TMC1: variants seen among roughly 807,000 people sequenced by gnomAD.
TMC1 encodes transmembrane channel-like protein 1.
In TMC1, 84 loss-of-function variants were observed where a neutral mutation model predicts 105.8. The observed-to-expected ratio is 0.79, with a 90% CI of 0.67 to 0.95. TMC1 has a LOEUF of 0.95. Among genes scored for constraint, TMC1 ranks in the 40% least tolerant of loss-of-function variants. The pLI, the probability that TMC1 is intolerant of heterozygous loss-of-function variation, is 0.00. For missense variants in TMC1, 817 were observed against 914.1 expected (o/e 0.89, Z 1.37); for synonymous variants, 315 against 311.5 (o/e 1.01, Z -0.12).
chr9:72,822,514 T>TTGTG (rs368968408), intron 20 of TMC1, among the ~76,000 whole-genome samples: 10,939 of 135,772 alleles, frequency 0.081, 461 homozygotes, highest in Admixed American at 0.1. Flanking sequence ...GTTAATTCCG[T>TTGTG]TGTGTGTGTG....
At chr9:72,757,282 A>C (rs1827689342) in intron 12 of TMC1, among the ~76,000 whole-genome samples, 1 of 152,202 alleles carries the variant, frequency 6.6e-6, no homozygotes, top group Admixed American at 6.5e-5. Context: ...ATTGGTAAGT[A>C]AGGTCCCTCA....
At chr9:72,804,060 G>A (rs960373003) in intron 17 of TMC1, among the ~76,000 whole-genome samples, 2 of 152,280 alleles carry the variant, frequency 1.3e-5, no homozygotes, top group African/African-American at 4.8e-5. Flanking sequence ...CAATAAAAAG[G>A]AATGAGATCA....
chr9:72,546,450 G>A (rs1481968123), intron 1 of TMC1, among the ~76,000 whole-genome samples: 1 of 152,176 alleles, frequency 6.6e-6, no homozygotes, highest in Non-Finnish European at 1.5e-5. Flanking sequence ...TGAAGTGATT[G>A]AGGGATTCAA....
At chr9:72,686,986 G>A (rs932970092) in intron 5 of TMC1, among the ~76,000 whole-genome samples, 1 of 152,110 alleles carries the variant, frequency 6.6e-6, no homozygotes, top group Non-Finnish European at 1.5e-5. Context: ...CTCTCCCGTG[G>A]TTATTAGAGG....
intron 20 of TMC1, among the ~76,000 whole-genome samples, chr9:72,822,013 G>A (rs1256324714): frequency 2.6e-5 from 4 of 152,062 alleles, no homozygotes; most frequent in Non-Finnish European, 5.9e-5. Context: ...GAGTCACAAC[G>A]GCTCCTTGAT....
intron 8 of TMC1, among the ~76,000 whole-genome samples, chr9:72,707,424 AT>A (rs1171255250): frequency 6.6e-6 from 1 of 151,998 alleles, no homozygotes; most frequent in African/African-American, 2.4e-5. Context: ...AACATCTATT[AT>A]TTTTTGATGT....
intron 8 of TMC1, among the ~76,000 whole-genome samples, chr9:72,723,940 A>G (rs1827073802): frequency 6.6e-6 from 1 of 152,172 alleles, no homozygotes; most frequent in Non-Finnish European, 1.5e-5. Flanking sequence ...AAAGTTGTGG[A>G]GGCATTTATT....
intron 2 of TMC1, among the ~76,000 whole-genome samples, chr9:72,610,935 G>C (rs1017520862): frequency 6.6e-6 from 1 of 152,188 alleles, no homozygotes; most frequent in African/African-American, 2.4e-5. Context: ...CATCCAGAGT[G>C]GTGGTATCGA....
At chr9:72,687,401 T>C (rs1003500235) in intron 5 of TMC1, among the ~76,000 whole-genome samples, 3 of 152,200 alleles carry the variant, frequency 2.0e-5, no homozygotes, top group South Asian at 2.1e-4. Context: ...CCATGACCTA[T>C]TGTAGAATGT....
chr9:72,751,424 G>T (rs1256966267), intron 10 of TMC1, among the ~76,000 whole-genome samples: 1 of 152,220 alleles, frequency 6.6e-6, no homozygotes, highest in African/African-American at 2.4e-5. Flanking sequence ...AAAAGGAAGA[G>T]AAAATAGCAG....
Position 72,826,992 on chromosome 9 carries a change from G to A in TMC1, c.2127G>A (p.Met709Ile), listed in dbSNP as rs776617166. The A allele has an allele frequency of 6.2e-7, 1 of 1,613,954 alleles. No individual in the cohort carries two copies. Among genetic ancestry groups the A allele is most frequent in the Non-Finnish European group, 8.5e-7 (1 of 1,179,888 alleles). Residue 709 changes from methionine to isoleucine, a missense_variant and splice_region_variant, in exon 21 of 24, where the codon ATG (methionine) becomes ATA (isoleucine). By Grantham distance (10) the Met-to-Ile change is conservative. Coordinates refer to ENST00000297784, the MANE Select transcript of TMC1 (RefSeq NM_138691.3). ...PGLVIAVILV[M>I]VLAIYYLNAT... is the part of the protein sequence containing the mutation. ...TGGTCATTGCTGTCATTTTGGTGAT[G>A]GTGTATGTGCTTTTCCTCCTCATAG... is the stretch of plus-strand genomic sequence containing the variant.
At chr9:72,601,219 C>T (rs965310634) in intron 2 of TMC1, among the ~76,000 whole-genome samples, 2 of 150,814 alleles carry the variant, frequency 1.3e-5, no homozygotes, top group Admixed American at 1.3e-4. Flanking sequence ...CACACACACA[C>T]AAATTGCCAG....
At chr9:72,755,400 A>G (rs917230530) in intron 12 of TMC1, among the ~76,000 whole-genome samples, 4 of 152,324 alleles carry the variant, frequency 2.6e-5, no homozygotes, top group African/African-American at 9.6e-5. Flanking sequence ...GTATTACTCA[A>G]TAGTTAGTAC....
At chr9:72,537,879 A>T (rs1251270409) in intron 1 of TMC1, among the ~76,000 whole-genome samples, 2 of 152,148 alleles carry the variant, frequency 1.3e-5, no homozygotes, top group African/African-American at 2.4e-5. Flanking sequence ...TTGGCTGGGC[A>T]CTGTGGCTCA....
rs117832033 is a variant in TMC1 at position 72,535,528 on chromosome 9, T to C, written c.-428+13615T>C. Among the ~76,000 whole-genome samples the C allele has an allele frequency of 3.4e-4, 52 of 152,318 alleles. No individual in the cohort carries two copies. The East Asian group carries it at 9.5e-3, about 28-fold the overall frequency. On this transcript the variant is annotated intron_variant, in intron 1 of 23. Transcript: ENST00000297784. ...TGCCTCACTTCCTCCTCAAGAACTT[T>C]CAGTGGCTCCATTTTACCTCTGAGA... is the stretch of plus-strand genomic sequence containing the variant.
chr9:72,636,981 A>G (rs376511915), intron 4 of TMC1, among the ~76,000 whole-genome samples: 37 of 152,210 alleles, frequency 2.4e-4, no homozygotes, highest in Non-Finnish European at 4.4e-4. Flanking sequence ...TATTCAGTCC[A>G]AAGTGTTAAT....
At chr9:72,570,152 T>C (rs985598551) in intron 1 of TMC1, among the ~76,000 whole-genome samples, 9 of 152,002 alleles carry the variant, frequency 5.9e-5, no homozygotes, top group African/African-American at 2.2e-4. Context: ...TAGTTAGTTA[T>C]TGGCTTCTGA....
At chr9:72,747,229 A>C (rs1031659512) in intron 10 of TMC1, among the ~76,000 whole-genome samples, 11 of 152,206 alleles carry the variant, frequency 7.2e-5, no homozygotes, top group African/African-American at 2.7e-4. Flanking sequence ...TAGAAAATAC[A>C]AATCAAATTT....
intron 8 of TMC1, among the ~76,000 whole-genome samples, chr9:72,738,263 G>A (rs1256083406): frequency 6.6e-6 from 1 of 152,068 alleles, no homozygotes; most frequent in East Asian, 1.9e-4. Flanking sequence ...ATATGGGTGG[G>A]TGCACATGTA....
Sources: gnomAD v4.1 joint callset for allele counts (sites outside exome capture counted in the v4.1 genomes callset) on GRCh38, gnomAD v4.1.1 for gene constraint, MANE v1.5 for transcripts, NCBI Gene and HGNC (gene_info 2026-07-23, HGNC 2026-07-21) for gene names.